PRKCI: variants seen among roughly 807,000 people sequenced by gnomAD.
The protein encoded by PRKCI is protein kinase C iota type.
In PRKCI, 43 loss-of-function variants were observed where a neutral mutation model predicts 84.0. The observed-to-expected ratio is 0.51, with a 90% confidence interval of 0.40 to 0.66. The LOEUF (loss-of-function observed/expected upper bound fraction) is 0.66. PRKCI is among the 30% of genes least tolerant of loss of function. The probability of loss-of-function intolerance (pLI) is 0.00; values close to 1 mark genes in which losing one functional copy is unlikely to be tolerated. For missense variants in PRKCI, 459 were observed against 745.6 expected (o/e 0.62, Z 4.48); for synonymous variants, 216 against 234.4 (o/e 0.92, Z 0.72).
At chr3:170,269,890 G>A (rs949363130) in intron 5 of PRKCI, among the ~76,000 whole-genome samples, 18 of 151,946 alleles carry the variant, frequency 1.2e-4, no homozygotes, top group African/African-American at 4.1e-4. Context: ...CCCGGGAGGC[G>A]GAGGTTGCGG....
At chr3:170,262,720 C>T (rs1183392571) in intron 3 of PRKCI, among the ~76,000 whole-genome samples, 1 of 152,052 alleles carries the variant, frequency 6.6e-6, no homozygotes, top group Non-Finnish European at 1.5e-5. Flanking sequence ...CTCAAGTCAT[C>T]CACCCACCTT....
chr3:170,267,261 T>C (rs1733881807), intron 4 of PRKCI, among the ~76,000 whole-genome samples: 1 of 152,082 alleles, frequency 6.6e-6, no homozygotes, highest in Non-Finnish European at 1.5e-5. Context: ...AAAGTAAATA[T>C]GACAAAACAT....
In PRKCI at chr3:170,263,383, C is replaced by T; in HGVS notation, c.318C>T (p.Phe106=). The T allele has an allele frequency of 6.3e-7, 1 of 1,599,844 alleles. No homozygotes were observed. The highest frequency in any genetic ancestry group is 8.6e-7 in the Non-Finnish European group (1 of 1,167,358). ...TGTTCGTTTATTTTCTTTCAGTGTT[C>T]CCTTGTGTACCAGAACGTCCTGGGA... is the stretch of plus-strand genomic sequence containing the variant. ...NKDSELLIHV[F]PCVPERPGMP... is the part of the protein sequence containing the mutation. The change falls in exon 4 of 18, where the codon TTC becomes TTT. Residue 106 remains phenylalanine (F), a synonymous_variant. Transcript: ENST00000295797.
At position 170,260,192 on chromosome 3, in the gene PRKCI, T is replaced by C. The variant is rs989704118; in HGVS notation, c.313+134T>C. 14 of 574,018 alleles carry C rather than the reference T, an allele frequency of 2.4e-5. No homozygotes were observed. In the South Asian group the frequency reaches 3.3e-4, roughly 13 times the overall value. The allele number at this position is 574,018 out of a possible 1,614,324, so 35.6% of individuals were successfully genotyped here. A position where few individuals can be genotyped will look rare whatever the true frequency, so the allele number is the denominator to read the frequency against. The stretch of plus-strand genomic sequence containing the variant: ...GTGACTCATGCCTAAGTAATTGTCG[T>C]TATTTAGTAGTTTCTCACGTGCTAC... On this transcript the variant is annotated intron_variant, in intron 3 of 17. Coordinates refer to ENST00000295797, the MANE Select transcript of PRKCI (RefSeq NM_002740.6).
chr3:170,264,820 T>C (rs1026583107), intron 4 of PRKCI, among the ~76,000 whole-genome samples: 3 of 152,176 alleles, frequency 2.0e-5, no homozygotes, highest in African/African-American at 7.2e-5. Flanking sequence ...GATATCTTTG[T>C]ATTTTAAAAT....
At position 170,260,070 on chromosome 3, in the gene PRKCI, G is replaced by C. The variant is rs771974672; in HGVS notation, c.313+12G>C. 75 of 1,541,520 alleles carry C rather than the reference G, an allele frequency of 4.9e-5. No homozygotes were observed. Among genetic ancestry groups the C allele is most frequent in the Admixed American group, 1.0e-4 (6 of 57,840 alleles). Reference sequence around the variant, plus strand: ...ACTCTTGATTCATGGTAAGAGAGTAGTCATTTCATACTCGTCCAGACTGAT... The same window carrying C: ...ACTCTTGATTCATGGTAAGAGAGTACTCATTTCATACTCGTCCAGACTGAT... On this transcript the variant is annotated intron_variant, in intron 3 of 17. Transcript: ENST00000295797.
At chr3:170,290,750 T>TA (rs1272504336) in intron 12 of PRKCI, among the ~76,000 whole-genome samples, 2 of 152,170 alleles carry the variant, frequency 1.3e-5, no homozygotes, top group South Asian at 2.1e-4. Flanking sequence ...GTATATTTGT[T>TA]ACAATTTCTT....
At chr3:170,249,090 T>A (rs1733368485) in intron 2 of PRKCI, among the ~76,000 whole-genome samples, 1 of 152,034 alleles carries the variant, frequency 6.6e-6, no homozygotes, top group Admixed American at 6.6e-5. Context: ...CCTCGTGATC[T>A]GCCCACCTCG....
intron 12 of PRKCI, among the ~76,000 whole-genome samples, chr3:170,287,338 T>G (rs10936620): frequency 0.37 from 55,708 of 148,980 alleles, 10,574 homozygotes; most frequent in South Asian, 0.43. Context: ...TATATATATA[T>G]AGAGAGAGAG....
At chr3:170,243,754 G>C (rs189679152) in intron 2 of PRKCI, among the ~76,000 whole-genome samples, 1 of 152,272 alleles carries the variant, frequency 6.6e-6, no homozygotes, top group East Asian at 1.9e-4. Flanking sequence ...TGCACTCCAG[G>C]GGTACTGTAT....
intron 8 of PRKCI, among the ~76,000 whole-genome samples, chr3:170,277,241 A>G (rs919309019): frequency 6.7e-6 from 1 of 150,154 alleles, no homozygotes; most frequent in Admixed American, 6.6e-5. Context: ...AGAGCAAGAC[A>G]CTGTTTAAAA....
At chr3:170,238,109 T>G (rs1165940003) in intron 2 of PRKCI, among the ~76,000 whole-genome samples, 1 of 152,098 alleles carries the variant, frequency 6.6e-6, no homozygotes, top group Non-Finnish European at 1.5e-5. Context: ...ATGCCTATAA[T>G]CCCAGCATTT....
chr3:170,257,587 G>A (rs976755753), intron 2 of PRKCI, among the ~76,000 whole-genome samples: 6 of 151,668 alleles, frequency 4.0e-5, no homozygotes, highest in Admixed American at 1.3e-4. Context: ...GTTTCCTCCA[G>A]TTTTAGTCTC....
At position 170,245,949 on chromosome 3, in the gene PRKCI, G is replaced by GTT. The variant is rs112482352; in HGVS notation, c.223+10618_223+10619dup. On this transcript the variant is annotated intron_variant, in intron 2 of 17. Coordinates refer to ENST00000295797, the MANE Select transcript of PRKCI (RefSeq NM_002740.6). Reference sequence around the variant, plus strand: ...TTTTTTCCCTGGATGTTATGTCTTTGTTTTTTTTTTTTTTTTTTTTTCTGA... The same window carrying GTT: ...TTTTTTCCCTGGATGTTATGTCTTTGTTTTTTTTTTTTTTTTTTTTTTTCTGA... Among the ~76,000 whole-genome samples, 544 of 82,448 alleles carry GTT rather than the reference G, an allele frequency of 6.6e-3. 18 individuals carry two copies. The highest frequency in any genetic ancestry group is 0.024 in the African/African-American group (501 of 20,466). 54.1% of individuals were successfully genotyped at this position (82,448 alleles called of 152,430 possible). A position where few individuals can be genotyped will look rare whatever the true frequency, so the allele number is the denominator to read the frequency against.
chr3:170,298,938 G>C, intron 16 of PRKCI, 57 bp from the exon 17 acceptor site: 1 of 1,113,398 alleles, frequency 9.0e-7, no homozygotes, highest in Non-Finnish European at 1.4e-6. Flanking sequence ...GAGAACTGTA[G>C]AGGTGGAGTT....
chr3:170,257,773 G>C (rs1733622007), intron 2 of PRKCI, among the ~76,000 whole-genome samples: 2 of 150,808 alleles, frequency 1.3e-5, no homozygotes. Context: ...CAAGCGATTC[G>C]CCTGCCTTAG....
intron 17 of PRKCI, among the ~76,000 whole-genome samples, chr3:170,300,337 T>C (rs1467647954): frequency 2.0e-5 from 3 of 152,240 alleles, no homozygotes; most frequent in East Asian, 1.9e-4. Context: ...TTCATCATTT[T>C]CTTATTCCCT....
At chr3:170,231,107 G>A (rs953073930) in intron 1 of PRKCI, among the ~76,000 whole-genome samples, 1 of 151,570 alleles carries the variant, frequency 6.6e-6, no homozygotes, top group Non-Finnish European at 1.5e-5. Context: ...TTACAGGCAA[G>A]GCGCTACCAT....
chr3:170,228,277 G>A (rs1346863946), intron 1 of PRKCI, among the ~76,000 whole-genome samples: 2 of 152,072 alleles, frequency 1.3e-5, no homozygotes, highest in Non-Finnish European at 2.9e-5. Context: ...CAAAGGCAAG[G>A]CACTAAAACT....
Sources: allele counts gnomAD v4.1 joint callset (sites outside exome capture counted in the v4.1 genomes callset), GRCh38; gene constraint gnomAD v4.1.1; transcripts MANE v1.5; gene names NCBI Gene and HGNC (gene_info 2026-07-23, HGNC 2026-07-21).